The following PLEKHG5 variants were observed in gnomAD, a reference collection of about 807,000 sequenced individuals.
The protein encoded by PLEKHG5 is pleckstrin homology and RhoGEF domain containing G5.
Under a neutral mutation model 103.8 loss-of-function variants are expected in PLEKHG5, and 52 were observed. The ratio of observed to expected loss-of-function variants is 0.50; its 90% CI spans 0.40 to 0.63. PLEKHG5 has a LOEUF of 0.63. PLEKHG5 is among the 30% of genes least tolerant of loss of function. The pLI, the probability that PLEKHG5 is intolerant of heterozygous loss-of-function variation, is 0.00. For synonymous variants in PLEKHG5, 592 were observed against 575.5 expected (o/e 1.03, Z -0.41); for missense variants, 1,205 against 1,347.6 (o/e 0.89, Z 1.66).
In PLEKHG5 at chr1:6,491,300, C is replaced by T. The variant is rs565927482; in HGVS notation, c.-88+337G>A. 6.6e-6 allele frequency among the ~76,000 whole-genome samples: 1 copy of T among 152,236 alleles called. No individual in the cohort carries two copies. The highest frequency in any genetic ancestry group is 1.5e-5 in the Non-Finnish European group (1 of 68,002). On this transcript the variant is annotated intron_variant, in intron 1 of 20. Transcript: ENST00000377728. This position sits in a 1 kb window ranked among gnomAD's most constrained non-coding sequence, Gnocchi z 4.1. Reference sequence around the variant, plus strand: ...CGCACTTTCAAGCTTTTTATACAGCCTTCCCCCGACCCCTTCCCAGGCCAA... The same window carrying T: ...CGCACTTTCAAGCTTTTTATACAGCTTTCCCCCGACCCCTTCCCAGGCCAA...
At chr1:6,475,181 C>T (rs746964478) in intron 4 of PLEKHG5, 43 bp from the exon 5 acceptor site, 27 of 1,124,536 alleles carry the variant, frequency 2.4e-5, no homozygotes, top group Non-Finnish European at 2.7e-5. Context: ...TTCTCCTCAC[C>T]GCCCTCATTC....
At position 6,467,847 on chromosome 1, in the gene PLEKHG5, G is replaced by C. The variant is rs1360003341; in HGVS notation, c.2989C>G (p.Leu997Val). 7 of 1,613,148 alleles carry C rather than the reference G, an allele frequency of 4.3e-6. No individual in the cohort carries two copies. The highest frequency in any genetic ancestry group is 5.1e-6 in the Non-Finnish European group (6 of 1,179,916). ...QLYRIRTTLL[L>V]NSTLTASEV ...CACGAGGCAGTGAGCGTGGAGTTAA[G>C]CAGCAGGGTGGTCCTGATTCGGTAG... The change falls in exon 20 of 21, where the codon CTT (leucine) becomes GTT (valine). Residue 997 changes from leucine to valine, a missense_variant. Physicochemically the swap from Leu to Val is conservative, Grantham distance 32. Coordinates refer to ENST00000377728, the MANE Select transcript of PLEKHG5 (RefSeq NM_020631.6).
chr1:6,508,297 C>A (rs573582255), intron 1 of PLEKHG5, among the ~76,000 whole-genome samples: 3 of 152,220 alleles, frequency 2.0e-5, no homozygotes, highest in Non-Finnish European at 2.9e-5. Flanking sequence ...CCTGACCACA[C>A]GGAGCATCAT....
Position 6,491,607 on chromosome 1 carries a change from G to A in PLEKHG5, c.-88+30C>T. ...CTCACCCCCAAAGCATTGCCCAGGA[G>A]AATAGGTGATTGCCTCTCCCATTAC... On this transcript the variant is annotated intron_variant, in intron 1 of 20. Transcript: ENST00000377728. This position sits in a 1 kb window ranked among gnomAD's most constrained non-coding sequence, Gnocchi z 4.1. The A allele has an allele frequency of 1.0e-6, 1 of 969,166 alleles. No individual in the cohort carries two copies. The highest frequency in any genetic ancestry group is 1.8e-5 in the African/African-American group (1 of 56,778). The allele number at this position is 969,166 out of a possible 1,614,324, so 60.0% of individuals were successfully genotyped here.
upstream of PLEKHG5, chr1:6,496,960 C>T (rs1421471207): frequency 8.7e-5 from 133 of 1,529,564 alleles, no homozygotes; most frequent in Non-Finnish European, 1.1e-4. Flanking sequence ...GAACCTTACG[C>T]CCTGCATCGC....
At chr1:6,496,650 G>A (rs1645230150), upstream of PLEKHG5, 1 of 1,028,424 alleles carries the variant, frequency 9.7e-7, no homozygotes, top group Non-Finnish European at 1.4e-6. Context: ...ACCGGAGGAG[G>A]GGTGGGGTGA....
upstream of PLEKHG5, among the ~76,000 whole-genome samples, chr1:6,500,024 ACTC>A (rs1446397493): frequency 1.3e-5 from 2 of 152,020 alleles, no homozygotes; most frequent in Non-Finnish European, 2.9e-5. Context: ...CTGGTCTCGA[ACTC>A]CTGGCTTCAA....
At chr1:6,517,037 CA>C (rs917268036) in intron 1 of PLEKHG5, among the ~76,000 whole-genome samples, 2 of 150,684 alleles carry the variant, frequency 1.3e-5, no homozygotes, top group African/African-American at 4.9e-5. Context: ...CACTTGAGGT[CA>C]GGAGTTTGAG....
rs1329809654 is a variant in PLEKHG5, at chr1:6,505,710, TC to T, written c.-164-9142del. On this transcript the variant is annotated intron_variant, in intron 1 of 21. Transcript: ENST00000377740. The surrounding 1 kb of genome is among the most constrained non-coding windows in gnomAD (Gnocchi z 4.2). ...GCCCTGAGAAAACACCATGGCCTGA[TC>T]TTGCGGGCGGGGTGAGAGCAGAGGC... is the stretch of plus-strand genomic sequence containing the variant. Among the ~76,000 whole-genome samples the T allele has an allele frequency of 6.6e-6, 1 of 152,206 alleles. No individual in the cohort carries two copies. Among genetic ancestry groups the T allele is most frequent in the Non-Finnish European group, 1.5e-5 (1 of 68,030 alleles).
chr1:6,514,615 G>T (rs1638565173), intron 1 of PLEKHG5, among the ~76,000 whole-genome samples: 1 of 151,206 alleles, frequency 6.6e-6, no homozygotes, highest in Non-Finnish European at 1.5e-5. Flanking sequence ...ACAAAAATTA[G>T]CTGGGCATGG....
Position 6,470,650 on chromosome 1 carries a change from G to A in PLEKHG5, c.1543-7C>T. 1 of 1,564,942 alleles carries A rather than the reference G, an allele frequency of 6.4e-7. No individual in the cohort carries two copies. Among genetic ancestry groups the A allele is most frequent in the Non-Finnish European group, 8.6e-7 (1 of 1,160,546 alleles). On this transcript the variant is annotated splice_region_variant and splice_polypyrimidine_tract_variant and intron_variant, in intron 14 of 20. Coordinates refer to ENST00000377728, the MANE Select transcript of PLEKHG5 (RefSeq NM_020631.6). ...AGCGCTCCACGGAGCCGATCTAGGG[G>A]CAGGTGAGGGAGCTTCAGGTCCAGG...
chr1:6,475,991 C>A lies in PLEKHG5; in HGVS notation c.89G>T (p.Arg30Leu), dbSNP rs199745947. 3.1e-6 allele frequency: 5 copies of A among 1,613,726 alleles called. No individual in the cohort carries two copies. In the African/African-American group the frequency reaches 6.7e-5, roughly 22 times the overall value. ...CTCCAAGTCCACTGCGGGGCTGGTG[C>A]GCGGCGGGCATGACCGGGTGGACAC... ...RNVSTRSCPP[R>L]TSPAVDLEEE... Residue 30 changes from arginine to leucine, a missense_variant, in exon 3 of 21, where the codon CGC (arginine) becomes CTC (leucine). Transcript: ENST00000377728.
chr1:6,467,466 T>C lies in PLEKHG5; in HGVS notation c.*97A>G. 1 of 1,187,776 alleles carries C rather than the reference T, an allele frequency of 8.4e-7. No homozygotes were observed. Among genetic ancestry groups the C allele is most frequent in the Non-Finnish European group, 1.3e-6 (1 of 792,266 alleles). The allele number at this position is 1,187,776 out of a possible 1,614,324, so 73.6% of individuals were successfully genotyped here. A position where few individuals can be genotyped will look rare whatever the true frequency, so the allele number is the denominator to read the frequency against. On this transcript the variant is annotated 3_prime_UTR_variant, in exon 21 of 21. Transcript: ENST00000377728. ...TCCTGCCCAGCATCCGGCTCATGCA[T>C]ACAGGAGGCAGTAGCTGAAGCAGGT...
chr1:6,515,503 G>C lies in PLEKHG5; in HGVS notation c.-165+3942C>G, dbSNP rs557074535. 1.6e-3 allele frequency among the ~76,000 whole-genome samples: 236 copies of C among 152,024 alleles called. 2 individuals are homozygous for C. Among genetic ancestry groups the C allele is most frequent in the African/African-American group, 5.5e-3 (228 of 41,462 alleles). On this transcript the variant is annotated intron_variant, in intron 1 of 21. Coordinates refer to the PLEKHG5 transcript ENST00000377740. The stretch of plus-strand genomic sequence containing the variant: ...GATTTTGCCACTGCACTCCAGCCTG[G>C]GTAACAGAGTGAGACACTGTCTCAA...
At chr1:6,473,522 T>C (rs998011695) in intron 7 of PLEKHG5, 68 bp from the exon 8 acceptor site, 3 of 1,314,908 alleles carry the variant, frequency 2.3e-6, no homozygotes, top group Non-Finnish European at 3.0e-6. Flanking sequence ...CCAGGGCGGG[T>C]TTCCAGGGCC....
intron 1 of PLEKHG5, among the ~76,000 whole-genome samples, chr1:6,502,985 A>G (rs1645313192): frequency 6.6e-6 from 1 of 152,206 alleles, no homozygotes; most frequent in Non-Finnish European, 1.5e-5. Flanking sequence ...GCTCAGGCTG[A>G]GGGTGTGCAT....
In PLEKHG5 at chr1:6,472,554, G is replaced by C. The variant is rs750309626; in HGVS notation, c.1053C>G (p.Tyr351Ter). 1 of 1,613,546 alleles carries C rather than the reference G, an allele frequency of 6.2e-7. No homozygotes were observed. Among genetic ancestry groups the C allele is most frequent in the Non-Finnish European group, 8.5e-7 (1 of 1,179,668 alleles). ...TGATGATCACCCGCAGTTTCCTGAT[G>C]TAGGAGGCCTCCGTGTGCAGCAGCT... ...VWELLHTEAS[Y>*]IRKLRVIINL... Residue 351 changes from tyrosine (Y) to a stop codon, truncating the protein, a stop_gained, in exon 10 of 21, where the codon TAC (tyrosine) becomes TAG (stop). Coordinates refer to ENST00000377728, the MANE Select transcript of PLEKHG5 (RefSeq NM_020631.6). LOFTEE classifies it high-confidence loss of function.
Position 6,469,118 on chromosome 1 carries a change from C to T in PLEKHG5, c.2173G>A (p.Glu725Lys), listed in dbSNP as rs776282542. Residue 725 changes from glutamate (E) to lysine (K), a missense_variant, in exon 19 of 21, where the codon GAG (glutamate) becomes AAG (lysine). Transcript: ENST00000377728. ...EEEEEEEEEG[E>K]DSGTSAASSP... ...CTGGCAGCTGAAGTGCCACTGTCCT[C>T]GCCTTCCTCCTCCTCCTCCTCCTCC... The T allele has an allele frequency of 5.6e-6, 9 of 1,610,988 alleles. No individual in the cohort carries two copies. Among genetic ancestry groups the T allele is most frequent in the East Asian group, 2.2e-5 (1 of 44,890 alleles).
intron 1 of PLEKHG5, among the ~76,000 whole-genome samples, chr1:6,478,562 C>T (rs1644821771): frequency 6.6e-6 from 1 of 152,214 alleles, no homozygotes; most frequent in Non-Finnish European, 1.5e-5. Flanking sequence ...AAACAGGTAT[C>T]AGTATTCACG....
Sources: allele counts gnomAD v4.1 joint callset (sites outside exome capture counted in the v4.1 genomes callset), GRCh38; gene constraint gnomAD v4.1.1; non-coding constraint Gnocchi (gnomAD v3.1); transcripts MANE v1.5; gene names NCBI Gene and HGNC (gene_info 2026-07-23, HGNC 2026-07-21).